The following BMPR1B variants were observed in gnomAD, a reference collection of about 807,000 sequenced individuals.
BMPR1B encodes the protein bone morphogenetic protein receptor type 1B.
Under a neutral mutation model 59.1 loss-of-function variants are expected in BMPR1B, and 12 were observed. The observed-to-expected ratio is 0.20, with a 90% confidence interval of 0.13 to 0.33. The LOEUF (loss-of-function observed/expected upper bound fraction) is 0.33, where lower values mean the gene tolerates loss of function less well. Among genes scored for constraint, BMPR1B ranks in the 10% least tolerant of loss-of-function variants. The pLI, the probability that BMPR1B is intolerant of heterozygous loss-of-function variation, is 1.00. For synonymous variants in BMPR1B, 237 were observed against 207.3 expected (o/e 1.14, Z -1.23); for missense variants, 550 against 610.9 (o/e 0.90, Z 1.05).
chr4:94,872,844 T>A (rs1011457620), intron 1 of BMPR1B, among the ~76,000 whole-genome samples: 1 of 152,250 alleles, frequency 6.6e-6, no homozygotes, highest in Non-Finnish European at 1.5e-5. Flanking sequence ...GAACTTTAGA[T>A]GTGAAAGTTG....
intron 1 of BMPR1B, among the ~76,000 whole-genome samples, chr4:94,785,996 T>C (rs1722750701): frequency 6.6e-6 from 1 of 152,232 alleles, no homozygotes; most frequent in Non-Finnish European, 1.5e-5. Flanking sequence ...GGCCACATCA[T>C]CACTCACTAC....
At chr4:95,067,208 A>G (rs1034878597) in intron 3 of BMPR1B, among the ~76,000 whole-genome samples, 3 of 152,192 alleles carry the variant, frequency 2.0e-5, no homozygotes, top group Non-Finnish European at 4.4e-5. Context: ...TACAGATTTA[A>G]TAGGGCCTAG....
chr4:94,829,384 C>T (rs1369209880), intron 1 of BMPR1B, among the ~76,000 whole-genome samples: 1 of 151,202 alleles, frequency 6.6e-6, no homozygotes, highest in Non-Finnish European at 1.5e-5. Flanking sequence ...ACAGATCCTC[C>T]CACCTCAGCC....
At position 94,970,080 on chromosome 4, in the gene BMPR1B, T is replaced by C. The variant is rs201744758; in HGVS notation, c.-112-25960T>C. 2.0e-5 allele frequency among the ~76,000 whole-genome samples: 3 copies of C among 152,348 alleles called. No homozygotes were observed. The East Asian group carries it at 5.8e-4, about 29-fold the overall frequency. Reference sequence around the variant, plus strand: ...TTATAAGCCAAGATTTTTTTTGTTATATATCTTGTTTTATTTTAAAAAGCT... The same window carrying C: ...TTATAAGCCAAGATTTTTTTTGTTACATATCTTGTTTTATTTTAAAAAGCT... On this transcript the variant is annotated intron_variant, in intron 2 of 12. Transcript: ENST00000515059.
chr4:95,005,201 T>C (rs943888302), intron 3 of BMPR1B, among the ~76,000 whole-genome samples: 5 of 152,220 alleles, frequency 3.3e-5, no homozygotes, highest in African/African-American at 1.2e-4. Context: ...GATTTCATTG[T>C]TAATAGTCCA....
At chr4:95,037,536 C>T (rs906812954) in intron 3 of BMPR1B, among the ~76,000 whole-genome samples, 7 of 152,016 alleles carry the variant, frequency 4.6e-5, no homozygotes, top group East Asian at 1.9e-4. Flanking sequence ...ATGACTAGTA[C>T]GTTGTATTTG....
intron 1 of BMPR1B, among the ~76,000 whole-genome samples, chr4:94,833,159 C>T (rs1000760795): frequency 6.7e-6 from 1 of 148,334 alleles, no homozygotes; most frequent in Admixed American, 6.8e-5. Context: ...CCACTGCACT[C>T]CATCCTGGAT....
intron 3 of BMPR1B, among the ~76,000 whole-genome samples, chr4:95,045,050 T>C (rs758268488): frequency 6.6e-6 from 1 of 152,174 alleles, no homozygotes; most frequent in Non-Finnish European, 1.5e-5. Flanking sequence ...CCTAAAAGGC[T>C]GTGGCTTCCA....
intron 2 of BMPR1B, among the ~76,000 whole-genome samples, chr4:94,882,679 GACTTACAGT>G (rs1727020800): frequency 2.6e-5 from 4 of 152,186 alleles, no homozygotes. Flanking sequence ...AGGTCAGTCT[GACTTACAGT>G]ACTTTTGAAA....
intron 3 of BMPR1B, among the ~76,000 whole-genome samples, chr4:95,041,585 T>C (rs2149172874): frequency 6.6e-6 from 1 of 151,306 alleles, no homozygotes; most frequent in Non-Finnish European, 1.5e-5. Context: ...TCCCAGATTC[T>C]TGGAGTCCTC....
intron 1 of BMPR1B, among the ~76,000 whole-genome samples, chr4:94,784,584 C>CT (rs556010155): frequency 4.6e-5 from 7 of 152,062 alleles, no homozygotes; most frequent in Admixed American, 1.3e-4. Flanking sequence ...TCTTATACTC[C>CT]TGGCCTCAAG....
intron 3 of BMPR1B, among the ~76,000 whole-genome samples, chr4:95,056,594 C>T (rs1045866436): frequency 2.6e-5 from 4 of 152,168 alleles, no homozygotes; most frequent in African/African-American, 9.7e-5. Context: ...GCCTTGTGCA[C>T]GTTCCACTCT....
chr4:95,016,075 GAGTGA>G (rs79222407), intron 3 of BMPR1B, among the ~76,000 whole-genome samples: 64,834 of 151,732 alleles, frequency 0.43, 14,304 homozygotes, highest in East Asian at 0.71. Flanking sequence ...TTGTCAAAAT[GAGTGA>G]AGTGAACATA....
chr4:95,066,856 T>C (rs1727847626), intron 3 of BMPR1B, among the ~76,000 whole-genome samples: 1 of 152,170 alleles, frequency 6.6e-6, no homozygotes, highest in Non-Finnish European at 1.5e-5. Context: ...GACTAAATTA[T>C]GTTGGTTTTT....
At chr4:94,800,958 G>A (rs1010664592) in intron 1 of BMPR1B, among the ~76,000 whole-genome samples, 4 of 152,128 alleles carry the variant, frequency 2.6e-5, no homozygotes, top group African/African-American at 9.7e-5. Flanking sequence ...AGAAGAGATG[G>A]GTATAGGTAG....
chr4:94,789,896 G>A (rs1385254631), intron 1 of BMPR1B, among the ~76,000 whole-genome samples: 1 of 152,132 alleles, frequency 6.6e-6, no homozygotes, highest in Non-Finnish European at 1.5e-5. Context: ...CCCTGAGACA[G>A]CAAATAGAGG....
intron 2 of BMPR1B, among the ~76,000 whole-genome samples, chr4:94,949,305 ATTCTTTTTT>A: frequency 1.2e-5 from 1 of 83,326 alleles, no homozygotes; most frequent in South Asian, 4.7e-4. Flanking sequence ...ACATGAACTC[ATTCTTTTTT>A]TTTTTTTTTT....
At chr4:94,763,420 A>G (rs530755575) in intron 1 of BMPR1B, among the ~76,000 whole-genome samples, 41 of 152,336 alleles carry the variant, frequency 2.7e-4, no homozygotes, top group African/African-American at 9.4e-4. Context: ...GCACTCCTTT[A>G]GAGGCCAGTA....
chr4:94,999,559 T>G (rs896086416), intron 3 of BMPR1B, among the ~76,000 whole-genome samples: 1 of 152,132 alleles, frequency 6.6e-6, no homozygotes, highest in Non-Finnish European at 1.5e-5. Flanking sequence ...CCAAAAATGC[T>G]GTTTATGTAA....
Sources: allele counts gnomAD v4.1 joint callset (sites outside exome capture counted in the v4.1 genomes callset), GRCh38; gene constraint gnomAD v4.1.1; transcripts MANE v1.5; gene names NCBI Gene and HGNC (gene_info 2026-07-23, HGNC 2026-07-21).